The following NEK1 variants were observed in gnomAD, a reference collection of about 807,000 sequenced individuals.
NEK1 encodes NIMA related kinase 1, also known as serine/threonine-protein kinase Nek1.
A neutral mutation model predicts 182.1 loss-of-function variants in NEK1; 137 were observed. That is an observed-to-expected ratio of 0.75 (90% confidence interval 0.65 to 0.87). The LOEUF (loss-of-function observed/expected upper bound fraction) is 0.87, where lower values mean the gene tolerates loss of function less well. Ranked by LOEUF, NEK1 falls within the 40% of genes least tolerant of loss-of-function variation. The probability of loss-of-function intolerance (pLI) is 0.00; values close to 1 mark genes in which losing one functional copy is unlikely to be tolerated. For synonymous variants in NEK1, 513 were observed against 492.2 expected (o/e 1.04, Z -0.56); for missense variants, 1,391 against 1,494.4 (o/e 0.93, Z 1.14).
chr4:169,508,918 A>G, intron 19 of NEK1, 66 bp from the exon 20 acceptor site: 1 of 1,278,818 alleles, frequency 7.8e-7, no homozygotes, highest in South Asian at 1.3e-5. Context: ...TTACCAAGGA[A>G]TATCCAGGTG....
chr4:169,395,266 C>G (rs1040202499), intron 35 of NEK1, among the ~76,000 whole-genome samples: 3 of 152,136 alleles, frequency 2.0e-5, no homozygotes, highest in African/African-American at 7.2e-5. Context: ...TTTGTTAGCT[C>G]CCTGCTGCCT....
Position 169,549,142 on chromosome 4 carries a change from G to A in NEK1, c.1562+6578C>T, listed in dbSNP as rs143091487. Among the ~76,000 whole-genome samples the A allele has an allele frequency of 8.0e-3, 1,224 of 152,332 alleles. 20 individuals are homozygous for A. Among genetic ancestry groups the A allele is most frequent in the African/African-American group, 0.028 (1,170 of 41,576 alleles). On this transcript the variant is annotated intron_variant, in intron 18 of 35. Transcript: ENST00000507142. ...TCCTGGTCTGTGGGTTGTGAAGACC[G>A]TCGGAAAAGCACAGTATCTGGGCCA... is the stretch of plus-strand genomic sequence containing the variant.
intron 7 of NEK1, 34 bp downstream of exon 7, chr4:169,589,413 A>G: frequency 2.4e-6 from 3 of 1,230,278 alleles, no homozygotes; most frequent in Non-Finnish European, 3.5e-6. Flanking sequence ...CGCTGAAAAC[A>G]TTATATCAAA....
At chr4:169,530,397 T>C (rs1228701669) in intron 19 of NEK1, among the ~76,000 whole-genome samples, 1 of 152,148 alleles carries the variant, frequency 6.6e-6, no homozygotes, top group Non-Finnish European at 1.5e-5. Context: ...ACAACCATTC[T>C]GTTTTCCACT....
chr4:169,536,586 T>C (rs555189444), intron 19 of NEK1, among the ~76,000 whole-genome samples: 1 of 151,806 alleles, frequency 6.6e-6, no homozygotes, highest in East Asian at 1.9e-4. Context: ...CATTCAAGCA[T>C]GAGGACAAAA....
At chr4:169,504,424 G>A (rs972805613) in intron 23 of NEK1, among the ~76,000 whole-genome samples, 3 of 152,112 alleles carry the variant, frequency 2.0e-5, no homozygotes, top group East Asian at 1.9e-4. Context: ...AGAGATATCC[G>A]CACTCCCATG....
At chr4:169,474,370 A>AT (rs1238653487) in intron 26 of NEK1, among the ~76,000 whole-genome samples, 10 of 152,194 alleles carry the variant, frequency 6.6e-5, no homozygotes, top group Admixed American at 5.9e-4. Context: ...AGCATAAAAT[A>AT]TTTTCAAGTC....
chr4:169,549,973 T>A (rs1761170400), intron 18 of NEK1, among the ~76,000 whole-genome samples: 2 of 152,168 alleles, frequency 1.3e-5, no homozygotes, highest in Admixed American at 1.3e-4. Context: ...CTGCCCACCT[T>A]GACCTCCCAA....
At chr4:169,585,936 G>C (rs151053389) in intron 9 of NEK1, among the ~76,000 whole-genome samples, 22 of 152,188 alleles carry the variant, frequency 1.4e-4, no homozygotes, top group African/African-American at 3.1e-4. Context: ...CTGTTGTAAT[G>C]ACTAGAACAA....
intron 11 of NEK1, among the ~76,000 whole-genome samples, chr4:169,579,959 T>C (rs1766335200): frequency 2.0e-5 from 3 of 152,162 alleles, no homozygotes; most frequent in Admixed American, 2.0e-4. Flanking sequence ...ACCCTTCACG[T>C]ATTAAATAAC....
In NEK1 at chr4:169,589,493, C is replaced by A; in HGVS notation, c.418G>T (p.Gly140Ter). Residue 140 changes from glycine to a stop codon, truncating the protein, a stop_gained, in exon 7 of 36, where the codon GGA becomes TGA. Coordinates refer to ENST00000507142, the MANE Select transcript of NEK1 (RefSeq NM_001199397.3). LOFTEE classifies it high-confidence loss of function. ...KSQNIFLTKDGTVQLGDFGIA... is the reference protein window; with the variant it reads ...KSQNIFLTKD ...CCAAAATCTCCAAGTTGTACTGTTC[C>A]ATCTTTAGTTAAAAATATGTTCTGT... 6.6e-7 allele frequency: 1 copy of A among 1,504,428 alleles called. No individual in the cohort carries two copies. The highest frequency in any genetic ancestry group is 1.3e-5 in the South Asian group (1 of 79,092). 93.2% of individuals were successfully genotyped at this position (1,504,428 alleles called of 1,614,324 possible). A position where few individuals can be genotyped will look rare whatever the true frequency, so the allele number is the denominator to read the frequency against.
intron 23 of NEK1, 63 bp downstream of exon 23, chr4:169,506,974 T>C (rs1482939440): frequency 1.9e-6 from 2 of 1,053,282 alleles, no homozygotes; most frequent in Non-Finnish European, 2.8e-6. Context: ...ACTGATGTAC[T>C]ACCCAGGAAG....
intron 18 of NEK1, among the ~76,000 whole-genome samples, chr4:169,549,990 AT>A (rs1761172226): frequency 6.6e-6 from 1 of 152,076 alleles, no homozygotes; most frequent in Non-Finnish European, 1.5e-5. Context: ...CCAAAGTGCA[AT>A]TCTCAGATTC....
intron 12 of NEK1, among the ~76,000 whole-genome samples, chr4:169,568,937 C>CAAA (rs71590018): frequency 1.1e-5 from 1 of 91,480 alleles, no homozygotes. Flanking sequence ...AACTCCATTT[C>CAAA]AAAAAAAAAA....
In NEK1 at chr4:169,419,979, A is replaced by G. The variant is rs750386338; in HGVS notation, c.3222+4574T>C. 3.0e-4 allele frequency among the ~76,000 whole-genome samples: 45 copies of G among 152,312 alleles called. 1 individual carries two copies. Among genetic ancestry groups the G allele is most frequent in the Non-Finnish European group, 5.9e-4 (40 of 68,026 alleles). ...TGGGTAAGCCAGTGAGTGAGTGGTG[A>G]GTGAAATGTGAAGGCCTGGGACATT... On this transcript the variant is annotated intron_variant, in intron 31 of 35. Transcript: ENST00000507142.
At chr4:169,476,631 A>T (rs370642647) in intron 26 of NEK1, among the ~76,000 whole-genome samples, 4 of 152,130 alleles carry the variant, frequency 2.6e-5, no homozygotes, top group African/African-American at 9.6e-5. Flanking sequence ...ACAAGAGCAC[A>T]TATGTTTCTG....
chr4:169,513,522 A>G (rs1484461917), intron 19 of NEK1, among the ~76,000 whole-genome samples: 1 of 151,526 alleles, frequency 6.6e-6, no homozygotes, highest in Non-Finnish European at 1.5e-5. Context: ...AACTTGAAAT[A>G]GCAACAACTT....
chr4:169,448,980 C>T (rs1741158167), intron 27 of NEK1, among the ~76,000 whole-genome samples: 1 of 152,258 alleles, frequency 6.6e-6, no homozygotes, highest in South Asian at 2.1e-4. Context: ...AAGGTCTTAG[C>T]AACCGGCAGA....
chr4:169,566,772 G>T (rs372091474), intron 12 of NEK1, among the ~76,000 whole-genome samples: 1 of 152,204 alleles, frequency 6.6e-6, no homozygotes, highest in Admixed American at 6.5e-5. Context: ...TAATTTCCAG[G>T]GGGAAAAGAA....
Sources: gnomAD v4.1 joint callset for allele counts (sites outside exome capture counted in the v4.1 genomes callset) on GRCh38, gnomAD v4.1.1 for gene constraint, MANE v1.5 for transcripts, NCBI Gene and HGNC (gene_info 2026-07-23, HGNC 2026-07-21) for gene names.